Variants in SAE1 observed in about 807,000 individuals in gnomAD.
The protein encoded by SAE1 is SUMO1 activating enzyme subunit 1.
SAE1 carries 11 observed loss-of-function variants against 40.6 expected under a neutral mutation model. The ratio of observed to expected loss-of-function variants is 0.27; its 90% CI spans 0.17 to 0.45. The LOEUF (loss-of-function observed/expected upper bound fraction) is 0.45, where lower values mean the gene tolerates loss of function less well. Among genes scored for constraint, SAE1 ranks in the 20% least tolerant of loss-of-function variants. The pLI is 1.00. For missense variants in SAE1, 373 were observed against 427.3 expected (o/e 0.87, Z 1.12); for synonymous variants, 155 against 154.3 (o/e 1.00, Z -0.03).
chr19:47,155,539 C>T (rs1157929734), intron 5 of SAE1, among the ~76,000 whole-genome samples: 2 of 152,036 alleles, frequency 1.3e-5, no homozygotes, highest in Non-Finnish European at 1.5e-5. Context: ...CGGCTCACTA[C>T]AGCCTCCACC....
intron 8 of SAE1, among the ~76,000 whole-genome samples, chr19:47,204,509 C>CCCCTT (rs398034856): frequency 8.9e-6 from 1 of 112,982 alleles, no homozygotes. Context: ...CACCCCCCCC[C>CCCCTT]TTTTTTTTTT....
chr19:47,204,186 C>CTTT (rs2058671858), intron 8 of SAE1, among the ~76,000 whole-genome samples: 1 of 143,350 alleles, frequency 7.0e-6, no homozygotes, highest in Admixed American at 7.5e-5. Context: ...CAAAGCCCTC[C>CTTT]CTTTTTTTTT....
At chr19:47,200,031 C>T (rs994000532) in intron 7 of SAE1, among the ~76,000 whole-genome samples, 18 of 151,632 alleles carry the variant, frequency 1.2e-4, no homozygotes, top group South Asian at 2.1e-4. Context: ...CCCGGGTTCA[C>T]GCCATTCTCC....
Position 47,209,181 on chromosome 19 carries a change from C to T in SAE1, c.971C>T (p.Pro324Leu), listed in dbSNP as rs141124777. 38 of 1,613,952 alleles carry T rather than the reference C, an allele frequency of 2.4e-5. No homozygotes were observed. The highest frequency in any genetic ancestry group is 2.5e-6 in the Non-Finnish European group (3 of 1,180,016). ...IVKALSQRDP[P>L]HNNFFFFDGM... ...CAGGCCCTGTCTCAGCGGGACCCTC[C>T]TCACAACAACTTCTTCTTCTTCGAT... is the stretch of plus-strand genomic sequence containing the variant. Residue 324 changes from proline (P) to leucine (L), a missense_variant, in exon 9 of 9, where the codon CCT becomes CTT. Physicochemically the swap from Pro to Leu is moderately conservative, Grantham distance 98. This residue lies in a region of SAE1 where 351 missense variants were observed against 390.6 expected (regional missense o/e 0.90). Transcript: ENST00000270225.
chr19:47,180,755 C>T (rs749059372), intron 6 of SAE1, among the ~76,000 whole-genome samples: 1 of 152,046 alleles, frequency 6.6e-6, no homozygotes, highest in Non-Finnish European at 1.5e-5. Context: ...CGCAGGAGGT[C>T]GAAGCTGCAG....
chr19:47,168,782 T>G (rs2058412516), intron 5 of SAE1, among the ~76,000 whole-genome samples: 1 of 152,150 alleles, frequency 6.6e-6, no homozygotes, highest in Non-Finnish European at 1.5e-5. Flanking sequence ...TTTTGTATTT[T>G]TAATAGAGAC....
At chr19:47,171,864 A>G (rs915296166) in intron 6 of SAE1, among the ~76,000 whole-genome samples, 4 of 151,958 alleles carry the variant, frequency 2.6e-5, no homozygotes, top group African/African-American at 7.3e-5. Context: ...CAGCCTCCCA[A>G]AGTGCTGGGA....
intron 6 of SAE1, chr19:47,180,326 T>C (rs1457305920): frequency 4.4e-6 from 2 of 454,102 alleles, no homozygotes; most frequent in Non-Finnish European, 8.9e-6. Flanking sequence ...TATCCTGCTA[T>C]GCCAGAAAGT....
intron 6 of SAE1, among the ~76,000 whole-genome samples, chr19:47,193,362 ATTG>A (rs1166673612): frequency 1.3e-5 from 2 of 152,048 alleles, no homozygotes; most frequent in Admixed American, 6.6e-5. Flanking sequence ...CACCTGGCCA[ATTG>A]TTACAGCTTT....
At chr19:47,204,305 C>G (rs1316617439) in intron 8 of SAE1, among the ~76,000 whole-genome samples, 2 of 144,576 alleles carry the variant, frequency 1.4e-5, no homozygotes, top group African/African-American at 5.1e-5. Flanking sequence ...TCACGCCATT[C>G]TCCTACCTTA....
At chr19:47,195,583 C>G (rs2058608497) in intron 6 of SAE1, among the ~76,000 whole-genome samples, 1 of 152,114 alleles carries the variant, frequency 6.6e-6, no homozygotes, top group South Asian at 2.1e-4. Flanking sequence ...GCTGGCCCTT[C>G]TGGCTAAAGC....
intron 2 of SAE1, among the ~76,000 whole-genome samples, chr19:47,144,585 G>A (rs2058243132): frequency 6.6e-6 from 1 of 151,730 alleles, no homozygotes; most frequent in Non-Finnish European, 1.5e-5. Context: ...TGTGGTCCCA[G>A]CTACTCGGGA....
chr19:47,135,076 G>A (rs977437147), intron 1 of SAE1, among the ~76,000 whole-genome samples: 3 of 152,020 alleles, frequency 2.0e-5, no homozygotes, highest in South Asian at 4.1e-4. Flanking sequence ...ACATTTTGGG[G>A]GTATGTGAGA....
chr19:47,190,977 C>A (rs139190486), intron 6 of SAE1, among the ~76,000 whole-genome samples: 2 of 152,172 alleles, frequency 1.3e-5, no homozygotes, highest in Admixed American at 6.5e-5. Context: ...TATGGACCTG[C>A]TGTTTCTTTT....
chr19:47,172,297 G>T (rs1256740804), intron 6 of SAE1, among the ~76,000 whole-genome samples: 1 of 152,226 alleles, frequency 6.6e-6, no homozygotes, highest in Non-Finnish European at 1.5e-5. Context: ...TTGCATGTGA[G>T]TGGGCTGCAC....
chr19:47,209,038 CT>C (rs2058699628), intron 8 of SAE1, 120 bp from the exon 9 acceptor site: 6 of 853,374 alleles, frequency 7.0e-6, no homozygotes, highest in Non-Finnish European at 1.1e-5. Flanking sequence ...CCAAATAGCC[CT>C]TTGGGAGCAA....
intron 6 of SAE1, among the ~76,000 whole-genome samples, chr19:47,182,858 G>A (rs1339881480): frequency 6.6e-6 from 1 of 152,136 alleles, no homozygotes; most frequent in Non-Finnish European, 1.5e-5. Flanking sequence ...CAAAGTGGGA[G>A]GATTGCTTGA....
intron 1 of SAE1, among the ~76,000 whole-genome samples, chr19:47,137,726 TGTTG>T (rs752436321): frequency 7.0e-5 from 7 of 100,054 alleles, no homozygotes; most frequent in East Asian, 8.7e-4. Flanking sequence ...TGTGTGTGTG[TGTTG>T]TTTTTTTTTT....
chr19:47,197,559 C>G (rs2058624116), intron 7 of SAE1, among the ~76,000 whole-genome samples, 182 bp downstream of exon 7: 1 of 152,200 alleles, frequency 6.6e-6, no homozygotes, highest in African/African-American at 2.4e-5. Context: ...AAAGAGGGGA[C>G]AGATTCTGAT....
Sources: gnomAD v4.1 joint callset for allele counts (sites outside exome capture counted in the v4.1 genomes callset) on GRCh38, gnomAD v4.1.1 for gene constraint, gnomAD v4.1.1 regional missense constraint, MANE v1.5 for transcripts, NCBI Gene and HGNC (gene_info 2026-07-23, HGNC 2026-07-21) for gene names.